The following SLC44A5 variants were observed in gnomAD, a reference collection of about 807,000 sequenced individuals.
SLC44A5 encodes the protein choline transporter-like protein 5.
Under a neutral mutation model 101.8 loss-of-function variants are expected in SLC44A5, and 57 were observed. The ratio of observed to expected loss-of-function variants is 0.56; its 90% CI spans 0.45 to 0.70. The LOEUF (loss-of-function observed/expected upper bound fraction) is 0.70. Ranked by LOEUF, SLC44A5 falls within the 30% of genes least tolerant of loss-of-function variation. SLC44A5 has a pLI of 0.00. For synonymous variants in SLC44A5, 281 were observed against 290.9 expected (o/e 0.97, Z 0.35); for missense variants, 737 against 853.1 (o/e 0.86, Z 1.70).
At chr1:75,216,255 A>G (rs1354990635) in intron 18 of SLC44A5, among the ~76,000 whole-genome samples, 1 of 152,038 alleles carries the variant, frequency 6.6e-6, no homozygotes, top group Non-Finnish European at 1.5e-5. Flanking sequence ...TTCACTTAGC[A>G]TGATGTCGTC....
chr1:75,683,932 A>AG, the SLC44A5 span, among the ~76,000 whole-genome samples: 21 of 137,642 alleles, frequency 1.5e-4, no homozygotes, highest in East Asian at 7.5e-3. Context: ...TTTATAGAAG[A>AG]CAAAATTGAT....
chr1:75,595,370 A>G (rs1299018575), intron 1 of SLC44A5, among the ~76,000 whole-genome samples: 2 of 152,140 alleles, frequency 1.3e-5, no homozygotes, highest in Non-Finnish European at 2.9e-5. Context: ...CCAGATTTCA[A>G]TATTTCAAAA....
intron 6 of SLC44A5, among the ~76,000 whole-genome samples, chr1:75,268,411 C>T (rs1374693677): frequency 1.3e-5 from 2 of 152,096 alleles, no homozygotes; most frequent in Admixed American, 1.3e-4. Flanking sequence ...TTCTTCATAG[C>T]ATTGATCACT....
At chr1:75,336,474 A>G (rs1252854492) in intron 4 of SLC44A5, among the ~76,000 whole-genome samples, 1 of 152,106 alleles carries the variant, frequency 6.6e-6, no homozygotes, top group Non-Finnish European at 1.5e-5. Context: ...TATTTCTTTC[A>G]CAGCTATGCT....
At chr1:75,536,888 C>T (rs1212772321) in intron 2 of SLC44A5, among the ~76,000 whole-genome samples, 4 of 139,450 alleles carry the variant, frequency 2.9e-5, no homozygotes, top group Non-Finnish European at 4.7e-5. Flanking sequence ...CGCCTGTAGT[C>T]CCAGCTACTT....
chr1:75,642,029 T>C, the SLC44A5 span: 1 of 1,426,358 alleles, frequency 7.0e-7, no homozygotes, highest in South Asian at 1.2e-5. Flanking sequence ...ATGTTGATAA[T>C]TTCCAGGATT....
At chr1:75,488,420 AG>A (rs1668266513) in intron 2 of SLC44A5, among the ~76,000 whole-genome samples, 1 of 152,206 alleles carries the variant, frequency 6.6e-6, no homozygotes. Context: ...AACATAGAAA[AG>A]GTAAAGTAAA....
intron 2 of SLC44A5, among the ~76,000 whole-genome samples, chr1:75,529,864 A>T (rs915922052): frequency 6.6e-5 from 10 of 152,182 alleles, no homozygotes; most frequent in Non-Finnish European, 1.5e-4. Context: ...CCTTTTCAAA[A>T]TTTCTCCTGC....
chr1:75,608,175 A>AAAAACAAAAC (rs968022143), intron 1 of SLC44A5, among the ~76,000 whole-genome samples: 14 of 151,194 alleles, frequency 9.3e-5, no homozygotes, highest in East Asian at 1.9e-4. Context: ...AGTCAATAGC[A>AAAAACAAAAC]AAAACAAAAC....
chr1:75,319,250 A>G (rs1053640376), intron 4 of SLC44A5, among the ~76,000 whole-genome samples: 5 of 152,158 alleles, frequency 3.3e-5, no homozygotes, highest in Non-Finnish European at 7.3e-5. Flanking sequence ...TCCCTGGGCA[A>G]AAACATTCTC....
chr1:75,277,620 A>G (rs1159409684), intron 5 of SLC44A5, among the ~76,000 whole-genome samples: 1 of 152,022 alleles, frequency 6.6e-6, no homozygotes, highest in Non-Finnish European at 1.5e-5. Context: ...ATGTAGGAAA[A>G]GAGATGACAG....
chr1:75,506,485 G>C (rs893851253), intron 2 of SLC44A5, among the ~76,000 whole-genome samples: 3 of 152,102 alleles, frequency 2.0e-5, no homozygotes, highest in African/African-American at 4.8e-5. Context: ...GACGAGCATG[G>C]AATGTATTTC....
In SLC44A5 at chr1:75,533,768, C is replaced by T. The variant is rs187666027; in HGVS notation, c.13+7667G>A. ...CTATGCACATTTCCCCATTGCAATA[C>T]CCTATTCTTGAATATTTTCTTTTAG... On this transcript the variant is annotated intron_variant, in intron 2 of 23. Coordinates refer to ENST00000370859, the MANE Select transcript of SLC44A5 (RefSeq NM_001130058.2). Among the ~76,000 whole-genome samples the T allele has an allele frequency of 5.2e-3, 797 of 152,248 alleles. 8 individuals are homozygous for T. The highest frequency in any genetic ancestry group is 0.018 in the African/African-American group (753 of 41,538).
intron 3 of SLC44A5, among the ~76,000 whole-genome samples, chr1:75,375,508 G>T (rs1660519572): frequency 6.6e-6 from 1 of 152,104 alleles, no homozygotes; most frequent in Non-Finnish European, 1.5e-5. Context: ...CATTATACAA[G>T]GTGACCTTCC....
chr1:75,682,446 T>C, the SLC44A5 span, among the ~76,000 whole-genome samples: 1 of 151,532 alleles, frequency 6.6e-6, no homozygotes, highest in Admixed American at 6.6e-5. Flanking sequence ...TCAGAAATAA[T>C]GCCACATATC....
chr1:75,645,098 T>C, the SLC44A5 span, among the ~76,000 whole-genome samples: 1 of 152,192 alleles, frequency 6.6e-6, no homozygotes, highest in South Asian at 2.1e-4. Context: ...TGTGTGCATG[T>C]GTCTTTATAG....
intron 6 of SLC44A5, among the ~76,000 whole-genome samples, chr1:75,272,632 T>G (rs1212198197): frequency 3.9e-5 from 6 of 152,128 alleles, no homozygotes; most frequent in Non-Finnish European, 2.9e-5. Flanking sequence ...CTAGCACCAT[T>G]TATTGAACAG....
chr1:75,213,758 G>C lies in SLC44A5; in HGVS notation c.1909C>G (p.Pro637Ala). 5 of 1,612,896 alleles carry C rather than the reference G, an allele frequency of 3.1e-6. No homozygotes were observed. Among genetic ancestry groups the C allele is most frequent in the Non-Finnish European group, 4.2e-6 (5 of 1,179,134 alleles). ...LAFLFFTQRL[P>A]VIAQGPASLN... The stretch of plus-strand genomic sequence containing the variant: ...GATGCTGGTCCTTGTGCAATCACTG[G>C]CAGTCTTTGTGTGAAGAATAGGAAG... The change falls in exon 22 of 24, where the codon CCA becomes GCA. Residue 637 changes from proline to alanine, a missense_variant. Around this residue, in one of 3 missense-constraint regions of SLC44A5, gnomAD observed 665 missense variants for 764.4 expected, o/e 0.87. Transcript: ENST00000370859.
At chr1:75,226,248 T>A (rs1186858432) in intron 13 of SLC44A5, among the ~76,000 whole-genome samples, 1 of 148,618 alleles carries the variant, frequency 6.7e-6, no homozygotes, top group Non-Finnish European at 1.5e-5. Context: ...GATACAGTAT[T>A]TTTTTTTTTA....
Sources: allele counts gnomAD v4.1 joint callset (sites outside exome capture counted in the v4.1 genomes callset), GRCh38; gene constraint gnomAD v4.1.1; regional missense constraint gnomAD v4.1.1; transcripts MANE v1.5; gene names NCBI Gene and HGNC (gene_info 2026-07-23, HGNC 2026-07-21).